Variants in FAM227A observed in about 807,000 individuals in gnomAD.
FAM227A encodes protein FAM227A.
In FAM227A, 80 loss-of-function variants were observed where a neutral mutation model predicts 74.7. The observed-to-expected ratio is 1.07, with a 90% CI of 0.89 to 1.29. FAM227A has a LOEUF of 1.29. Among genes scored for constraint, FAM227A ranks in the 50% most tolerant of loss-of-function variants. The pLI, the probability that FAM227A is intolerant of heterozygous loss-of-function variation, is 0.00. For missense variants in FAM227A, 654 were observed against 683.4 expected (o/e 0.96, Z 0.48); for synonymous variants, 237 against 241.8 (o/e 0.98, Z 0.19).
At position 38,584,250 on chromosome 22, in the gene FAM227A, A is replaced by G. The variant is rs1456262943; in HGVS notation, c.*1875T>C. 1 of 152,162 alleles carries G rather than the reference A, an allele frequency of 6.6e-6. No homozygotes were observed. The highest frequency in any genetic ancestry group is 1.5e-5 in the Non-Finnish European group (1 of 68,046). 9.4% of individuals were successfully genotyped at this position (152,162 alleles called of 1,614,324 possible). A position where few individuals can be genotyped will look rare whatever the true frequency, so the allele number is the denominator to read the frequency against. On this transcript the variant is annotated 3_prime_UTR_variant, in exon 17 of 17. Transcript: ENST00000535113. ...ATTTATCTCTGTATTCACAGGGCCT[A>G]GTGCAGGGATGGTACAGAATAGACA...
At chr22:38,598,366 G>A (rs954799829) in intron 14 of FAM227A, among the ~76,000 whole-genome samples, 57 of 152,192 alleles carry the variant, frequency 3.7e-4, no homozygotes, top group African/African-American at 1.3e-3. Flanking sequence ...GTCGAGCTGT[G>A]CACATAAGAT....
In FAM227A at chr22:38,579,989, T is replaced by C. The variant is rs988908239; in HGVS notation, c.*6136A>G. The stretch of plus-strand genomic sequence containing the variant: ...GCTGGAGTGTGCAGTGGCATGATCA[T>C]AGCTCACTGCACCCTCCAACTCCCA... On this transcript the variant is annotated 3_prime_UTR_variant, in exon 17 of 17. Coordinates refer to ENST00000535113, the MANE Select transcript of FAM227A (RefSeq NM_001013647.2). 4 of 152,044 alleles carry C rather than the reference T, an allele frequency of 2.6e-5. No homozygotes were observed. Among genetic ancestry groups the C allele is most frequent in the Admixed American group, 1.3e-4 (2 of 15,256 alleles). The allele number at this position is 152,044 out of a possible 1,614,324, so 9.4% of individuals were successfully genotyped here.
chr22:38,643,404 T>TA (rs2092159339), intron 3 of FAM227A, among the ~76,000 whole-genome samples: 1 of 151,068 alleles, frequency 6.6e-6, no homozygotes, highest in African/African-American at 2.4e-5. Context: ...AATAAGCACA[T>TA]AAAAAGACGG....
At chr22:38,606,676 C>G (rs1053399999) in intron 12 of FAM227A, among the ~76,000 whole-genome samples, 3 of 152,176 alleles carry the variant, frequency 2.0e-5, no homozygotes, top group African/African-American at 7.2e-5. Context: ...ACTTTTCTTT[C>G]AATGGCACTG....
intron 3 of FAM227A, among the ~76,000 whole-genome samples, chr22:38,642,405 C>A (rs2092136485): frequency 6.6e-6 from 1 of 152,132 alleles, no homozygotes; most frequent in Non-Finnish European, 1.5e-5. Flanking sequence ...CAAATGTAAA[C>A]ATAAAACTAT....
At chr22:38,646,216 G>T (rs7289855) in intron 2 of FAM227A, among the ~76,000 whole-genome samples, 43,883 of 140,464 alleles carry the variant, frequency 0.31, 6,534 homozygotes, top group East Asian at 0.38. Context: ...TAACAACTCT[G>T]TTAGGACTTG....
chr22:38,654,070 C>T (rs972411094), intron 1 of FAM227A, among the ~76,000 whole-genome samples: 1 of 152,016 alleles, frequency 6.6e-6, no homozygotes, highest in Admixed American at 6.6e-5. Flanking sequence ...GGAGCAGGGC[C>T]GGGCGCGGTG....
At chr22:38,625,123 C>T (rs2091768792) in intron 9 of FAM227A, among the ~76,000 whole-genome samples, 1 of 152,148 alleles carries the variant, frequency 6.6e-6, no homozygotes, top group African/African-American at 2.4e-5. Context: ...GGTATGGTGG[C>T]TCACGCCTGT....
At chr22:38,624,870 TAATA>T (rs2091764010) in intron 9 of FAM227A, among the ~76,000 whole-genome samples, 1 of 152,106 alleles carries the variant, frequency 6.6e-6, no homozygotes, top group African/African-American at 2.4e-5. Flanking sequence ...TACATTACTG[TAATA>T]AATCATAGCG....
intron 6 of FAM227A, 68 bp from the exon 7 acceptor site, chr22:38,629,003 T>A: frequency 1.0e-6 from 1 of 988,108 alleles, no homozygotes; most frequent in Non-Finnish European, 1.5e-6. Flanking sequence ...GGAGTCAATG[T>A]ATTTTAGAAT....
chr22:38,623,198 A>G lies in FAM227A; in HGVS notation c.932T>C (p.Met311Thr). The G allele has an allele frequency of 6.4e-7, 1 of 1,551,562 alleles. No individual in the cohort carries two copies. Among genetic ancestry groups the G allele is most frequent in the South Asian group, 1.2e-5 (1 of 84,056 alleles). The change falls in exon 10 of 17, where the codon ATG becomes ACG. Residue 311 changes from methionine to threonine, a missense_variant. Coordinates refer to ENST00000535113, the MANE Select transcript of FAM227A (RefSeq NM_001013647.2). The stretch of plus-strand genomic sequence containing the variant: ...CTTTGTCAGTCTTCTTCTGTACAAC[A>G]TTAATTCTTCTCTGCGGAATCGCTC... The part of the protein sequence containing the change: ...DPERFRREEL[M>T]LYRRRLTKGR...
chr22:38,650,529 G>A (rs772687343), intron 1 of FAM227A, among the ~76,000 whole-genome samples: 2 of 152,142 alleles, frequency 1.3e-5, no homozygotes, highest in Non-Finnish European at 2.9e-5. Context: ...ACTAGAATGC[G>A]GAAAAGGCCA....
intron 10 of FAM227A, 83 bp downstream of exon 10, chr22:38,623,089 G>C (rs2091725316): frequency 1.0e-6 from 1 of 977,880 alleles, no homozygotes; most frequent in African/African-American, 1.6e-5. Flanking sequence ...GGACATCAAT[G>C]CTAAGGCCTC....
chr22:38,619,795 T>A (rs2091648499), intron 11 of FAM227A, among the ~76,000 whole-genome samples: 1 of 150,468 alleles, frequency 6.6e-6, no homozygotes, highest in South Asian at 2.1e-4. Context: ...GTGGTGGGAG[T>A]GGAAAAGTGA....
intron 1 of FAM227A, among the ~76,000 whole-genome samples, chr22:38,653,441 A>G (rs986120352): frequency 6.6e-6 from 1 of 151,722 alleles, no homozygotes; most frequent in Non-Finnish European, 1.5e-5. Context: ...CAATGGCACA[A>G]TCTTGGCTCA....
chr22:38,579,904 G>T lies in FAM227A; in HGVS notation c.*6221C>A, dbSNP rs2090691648. On this transcript the variant is annotated 3_prime_UTR_variant, in exon 17 of 17. Transcript: ENST00000535113. ...GGGATCCAAATAATGTCCACATGTT[G>T]TAATTGATTGATGTCTTTTTTTTTT... is the stretch of plus-strand genomic sequence containing the variant. 1 of 151,872 alleles carries T rather than the reference G, an allele frequency of 6.6e-6. No homozygotes were observed. Among genetic ancestry groups the T allele is most frequent in the Admixed American group, 6.6e-5 (1 of 15,236 alleles). 9.4% of individuals were successfully genotyped at this position (151,872 alleles called of 1,614,324 possible). A position where few individuals can be genotyped will look rare whatever the true frequency, so the allele number is the denominator to read the frequency against.
chr22:38,582,345 T>G lies in FAM227A; in HGVS notation c.*3780A>C. The G allele has an allele frequency of 6.5e-7, 1 of 1,549,898 alleles. No individual in the cohort carries two copies. Among genetic ancestry groups the G allele is most frequent in the African/African-American group, 1.4e-5 (1 of 73,138 alleles). On this transcript the variant is annotated 3_prime_UTR_variant, in exon 17 of 17. Coordinates refer to ENST00000535113, the MANE Select transcript of FAM227A (RefSeq NM_001013647.2). ...TATAGGATTTTAACTTCATCTCTTC[T>G]AGTTTAACATCTGAATTTATCTTCT...
intron 3 of FAM227A, among the ~76,000 whole-genome samples, chr22:38,643,024 TGGGCTAAAGGTTG>T (rs1371860123): frequency 6.7e-6 from 1 of 148,558 alleles, no homozygotes; most frequent in Non-Finnish European, 1.5e-5. Flanking sequence ...GATTTAAAAA[TGGGCTAAAGGTTG>T]GGCATGGTGG....
intron 11 of FAM227A, among the ~76,000 whole-genome samples, chr22:38,611,092 TC>T (rs2091403742): frequency 6.6e-6 from 1 of 151,988 alleles, no homozygotes; most frequent in Non-Finnish European, 1.5e-5. Context: ...TCCTATCCAT[TC>T]CCCGATGTTG....
Sources: allele counts gnomAD v4.1 joint callset (sites outside exome capture counted in the v4.1 genomes callset), GRCh38; gene constraint gnomAD v4.1.1; transcripts MANE v1.5; gene names NCBI Gene and HGNC (gene_info 2026-07-23, HGNC 2026-07-21).